Variants in DAB1 observed in about 807,000 individuals in gnomAD.
DAB1 encodes the protein disabled homolog 1.
A neutral mutation model predicts 64.6 loss-of-function variants in DAB1; 15 were observed. That is an observed-to-expected ratio of 0.23 (90% CI 0.16 to 0.36). The LOEUF (loss-of-function observed/expected upper bound fraction) is 0.36, where lower values mean the gene tolerates loss of function less well. Among genes scored for constraint, DAB1 ranks in the 10% least tolerant of loss-of-function variants. The pLI, the probability that DAB1 is intolerant of heterozygous loss-of-function variation, is 1.00. For synonymous variants in DAB1, 235 were observed against 251.9 expected (o/e 0.93, Z 0.64); for missense variants, 596 against 706.7 (o/e 0.84, Z 1.78).
chr1:57,015,492 T>C, intron 11 of DAB1, 61 bp from the exon 12 acceptor site: 1 of 1,440,762 alleles, frequency 6.9e-7, no homozygotes, highest in African/African-American at 1.4e-5. Context: ...GAAGGATGCA[T>C]GGACTCAGGT....
intron 5 of DAB1, among the ~76,000 whole-genome samples, chr1:58,046,007 G>T (rs1647240945): frequency 6.6e-6 from 1 of 151,274 alleles, no homozygotes; most frequent in Non-Finnish European, 1.5e-5. Context: ...GGGTTTTAAG[G>T]TTATTAAATG....
intron 3 of DAB1, among the ~76,000 whole-genome samples, chr1:58,405,719 C>G (rs1644610583): frequency 1.3e-5 from 2 of 152,098 alleles, no homozygotes; most frequent in Non-Finnish European, 2.9e-5. Flanking sequence ...TTGCTGAATC[C>G]CAGAAGCTAG....
intron 6 of DAB1, among the ~76,000 whole-genome samples, chr1:57,773,197 A>T (rs1293367706): frequency 6.6e-6 from 1 of 152,100 alleles, no homozygotes; most frequent in Non-Finnish European, 1.5e-5. Flanking sequence ...GTACTTAGTT[A>T]TAAGAGCCCC....
At chr1:57,787,507 A>C (rs1370037362) in intron 6 of DAB1, among the ~76,000 whole-genome samples, 1 of 152,142 alleles carries the variant, frequency 6.6e-6, no homozygotes, top group African/African-American at 2.4e-5. Flanking sequence ...AATATACAAA[A>C]ATTAATTAAA....
chr1:57,251,520 C>A (rs1669338694), intron 2 of DAB1, among the ~76,000 whole-genome samples: 1 of 152,112 alleles, frequency 6.6e-6, no homozygotes, highest in South Asian at 2.1e-4. Flanking sequence ...TATTATATAG[C>A]CAATCACCTC....
rs577305305 is a variant in DAB1 at position 57,292,587 on chromosome 1, T to C, written c.-136-1421A>G. ...CTCTAAGACAACGTTCAATGGGAGA[T>C]GGCAGAGTCACAAAATTTGGTCATG... On this transcript the variant is annotated intron_variant, in intron 1 of 14. Coordinates refer to ENST00000371236, the MANE Select transcript of DAB1 (RefSeq NM_001365792.1). Among the ~76,000 whole-genome samples, 9 of 152,296 alleles carry C rather than the reference T, an allele frequency of 5.9e-5. No homozygotes were observed. In the South Asian group the frequency reaches 6.2e-4, roughly 11 times the overall value.
intron 6 of DAB1, among the ~76,000 whole-genome samples, chr1:57,679,965 A>C: frequency 6.6e-6 from 1 of 152,208 alleles, no homozygotes; most frequent in East Asian, 1.9e-4. Flanking sequence ...TGGCTCATTC[A>C]AGGTCACATA....
At chr1:58,214,882 G>C (rs919405146) in intron 4 of DAB1, among the ~76,000 whole-genome samples, 4 of 152,160 alleles carry the variant, frequency 2.6e-5, no homozygotes, top group Non-Finnish European at 4.4e-5. Context: ...CCTCTACCTA[G>C]AGTGAGTGAG....
intron 1 of DAB1, among the ~76,000 whole-genome samples, 193 bp from the exon 2 acceptor site, chr1:57,291,359 T>C (rs537380965): frequency 5.3e-5 from 8 of 152,174 alleles, no homozygotes; most frequent in Non-Finnish European, 1.0e-4. Flanking sequence ...GCAAAACTGC[T>C]TCTCAAACTA....
intron 4 of DAB1, among the ~76,000 whole-genome samples, chr1:57,121,900 T>A (rs1165522184): frequency 6.6e-6 from 1 of 151,820 alleles, no homozygotes; most frequent in East Asian, 1.9e-4. Flanking sequence ...ATCCAAAACT[T>A]AAAGTTAAAA....
At chr1:57,267,898 G>A (rs894502043) in intron 2 of DAB1, among the ~76,000 whole-genome samples, 5 of 152,232 alleles carry the variant, frequency 3.3e-5, no homozygotes, top group Middle Eastern at 3.4e-3. Flanking sequence ...CTATGAGAGC[G>A]GAGAGTGGGA....
chr1:57,709,610 G>A (rs1235848716), intron 6 of DAB1, among the ~76,000 whole-genome samples: 2 of 152,118 alleles, frequency 1.3e-5, no homozygotes, highest in Non-Finnish European at 2.9e-5. Flanking sequence ...GAGCTCTCTT[G>A]CTACAGAGAA....
intron 4 of DAB1, among the ~76,000 whole-genome samples, chr1:58,263,462 G>A (rs953260616): frequency 2.6e-5 from 4 of 151,968 alleles, no homozygotes; most frequent in African/African-American, 7.3e-5. Context: ...TGGAAATCAC[G>A]TAGCTCAATG....
intron 1 of DAB1, among the ~76,000 whole-genome samples, chr1:57,332,958 T>G (rs890095679): frequency 6.6e-6 from 1 of 152,246 alleles, no homozygotes; most frequent in African/African-American, 2.4e-5. Flanking sequence ...GTCTACTTGC[T>G]GTCTTATCTG....
At chr1:57,949,321 T>G (rs1377984063) in intron 5 of DAB1, among the ~76,000 whole-genome samples, 1 of 152,208 alleles carries the variant, frequency 6.6e-6, no homozygotes, top group Non-Finnish European at 1.5e-5. Context: ...CCTGCTCATC[T>G]GACAGGAGGT....
intron 3 of DAB1, among the ~76,000 whole-genome samples, chr1:58,445,635 G>T (rs1645056760): frequency 6.6e-6 from 1 of 152,222 alleles, no homozygotes; most frequent in South Asian, 2.1e-4. Flanking sequence ...TTAGAAACCT[G>T]GATGTGTGGC....
intron 3 of DAB1, among the ~76,000 whole-genome samples, chr1:58,349,727 T>C (rs868102765): frequency 6.6e-6 from 1 of 152,114 alleles, no homozygotes; most frequent in Non-Finnish European, 1.5e-5. Flanking sequence ...TCTGTTCTTA[T>C]GGTAGTTTGC....
intron 4 of DAB1, among the ~76,000 whole-genome samples, chr1:57,101,655 A>G (rs921855691): frequency 6.6e-6 from 1 of 152,234 alleles, no homozygotes; most frequent in African/African-American, 2.4e-5. Flanking sequence ...TGATTCATCC[A>G]TCCACTCATC....
chr1:57,961,611 T>C (rs948464247), intron 5 of DAB1, among the ~76,000 whole-genome samples: 2 of 152,168 alleles, frequency 1.3e-5, no homozygotes, highest in Non-Finnish European at 2.9e-5. Flanking sequence ...CATAAAGAAT[T>C]GTACTGGGAC....
Sources: gnomAD v4.1 joint callset for allele counts (sites outside exome capture counted in the v4.1 genomes callset) on GRCh38, gnomAD v4.1.1 for gene constraint, MANE v1.5 for transcripts, NCBI Gene and HGNC (gene_info 2026-07-23, HGNC 2026-07-21) for gene names.